Variants in SMCO3 observed in about 807,000 individuals in gnomAD.
SMCO3 encodes the protein single-pass membrane and coiled-coil domain-containing protein 3.
In SMCO3, 6 loss-of-function variants were observed where a neutral mutation model predicts 12.0. That is an observed-to-expected ratio of 0.50 (90% confidence interval 0.27 to 0.99). The LOEUF is 0.99. Among genes scored for constraint, SMCO3 ranks in the 50% least tolerant of loss-of-function variants. SMCO3 has a pLI of 0.11. For missense variants in SMCO3, 279 were observed against 265.0 expected (o/e 1.05, Z -0.37); for synonymous variants, 96 against 96.4 (o/e 1.00, Z 0.02).
At chr12:14,810,954 C>A (rs1362472011) in intron 1 of SMCO3, among the ~76,000 whole-genome samples, 1 of 152,176 alleles carries the variant, frequency 6.6e-6, no homozygotes, top group Non-Finnish European at 1.5e-5. Context: ...TTACAAACAA[C>A]CCATAATATT....
intron 1 of SMCO3, among the ~76,000 whole-genome samples, chr12:14,808,787 C>CAT (rs1210600245): frequency 6.6e-6 from 1 of 152,168 alleles, no homozygotes; most frequent in Non-Finnish European, 1.5e-5. Context: ...CACACATACA[C>CAT]ATATATACAG....
chr12:14,808,476 G>A (rs547208916), intron 1 of SMCO3, among the ~76,000 whole-genome samples: 4 of 151,952 alleles, frequency 2.6e-5, no homozygotes, highest in East Asian at 3.9e-4. Context: ...AAATAATATC[G>A]TAATTAATTT....
chr12:14,813,981 A>G (rs1950179836), intron 1 of SMCO3, 145 bp downstream of exon 1: 1 of 152,190 alleles, frequency 6.6e-6, no homozygotes, highest in African/African-American at 2.4e-5. Context: ...GGAACATGTC[A>G]TGGGATCCTC....
At chr12:14,811,417 A>G (rs1950134603) in intron 1 of SMCO3, among the ~76,000 whole-genome samples, 1 of 152,078 alleles carries the variant, frequency 6.6e-6, no homozygotes, top group Admixed American at 6.5e-5. Flanking sequence ...ATTTGATGAG[A>G]GAGTTCTGTT....
intron 1 of SMCO3, among the ~76,000 whole-genome samples, chr12:14,812,977 A>G (rs1414238817): frequency 1.3e-5 from 2 of 152,310 alleles, no homozygotes; most frequent in East Asian, 3.9e-4. Context: ...GGAAATACAT[A>G]CTGAAAACAT....
intron 1 of SMCO3, among the ~76,000 whole-genome samples, chr12:14,813,868 C>T (rs1422316893): frequency 6.6e-6 from 1 of 152,140 alleles, no homozygotes; most frequent in African/African-American, 2.4e-5. Flanking sequence ...GTCTTTACTG[C>T]TTCTCTTCCA....
intron 1 of SMCO3, among the ~76,000 whole-genome samples, chr12:14,809,920 A>G (rs2137261650): frequency 6.6e-6 from 1 of 152,356 alleles, no homozygotes; most frequent in South Asian, 2.1e-4. Context: ...GTCTTACTAG[A>G]AATCAAAGTG....
At position 14,806,614 on chromosome 12, in the gene SMCO3, G is replaced by C; in HGVS notation, c.67C>G (p.Gln23Glu). Residue 23 changes from glutamine (Q) to glutamate (E), a missense_variant, in exon 2 of 2, where the codon CAG (glutamine) becomes GAG (glutamate). Coordinates refer to ENST00000316048, the MANE Select transcript of SMCO3 (RefSeq NM_001013698.2). ...KRREEVNRLH[Q>E]QLLDCLSDSF... The stretch of plus-strand genomic sequence containing the variant: ...TCAGATAAGCAATCAAGAAGCTGCT[G>C]GTGAAGACGATTTACTTCTTCCCGC... 2.5e-6 allele frequency: 4 copies of C among 1,613,712 alleles called. No homozygotes were observed. The highest frequency in any genetic ancestry group is 3.4e-6 in the Non-Finnish European group (4 of 1,179,924).
chr12:14,809,663 G>A (rs898806662), intron 1 of SMCO3, among the ~76,000 whole-genome samples: 3 of 151,910 alleles, frequency 2.0e-5, no homozygotes, highest in African/African-American at 7.3e-5. Flanking sequence ...AGAAGAAAAT[G>A]GATAATTTTC....
At chr12:14,811,348 C>G (rs1950132834) in intron 1 of SMCO3, among the ~76,000 whole-genome samples, 1 of 152,058 alleles carries the variant, frequency 6.6e-6, no homozygotes, top group African/African-American at 2.4e-5. Flanking sequence ...CTTTGCTGGA[C>G]TGGAGCAGCT....
intron 1 of SMCO3, among the ~76,000 whole-genome samples, chr12:14,810,293 T>C (rs1387922396): frequency 6.6e-6 from 1 of 152,126 alleles, no homozygotes; most frequent in Non-Finnish European, 1.5e-5. Flanking sequence ...CCAAATGAGA[T>C]AAGAAGCACT....
chr12:14,806,388 T>C lies in SMCO3; in HGVS notation c.293A>G (p.Lys98Arg). Residue 98 changes from lysine (K) to arginine (R), a missense_variant, in exon 2 of 2, where the codon AAA (lysine) becomes AGA (arginine). Coordinates refer to ENST00000316048, the MANE Select transcript of SMCO3 (RefSeq NM_001013698.2). ...KDKLEPTLYR[K>R]LQDIKEKETD... The stretch of plus-strand genomic sequence containing the variant: ...TTCCTTTTCCTTAATATCCTGAAGT[T>C]TTCTATAGAGGGTTGGCTCTAGCTT... The C allele has an allele frequency of 1.9e-6, 3 of 1,614,248 alleles. No homozygotes were observed. The highest frequency in any genetic ancestry group is 2.5e-6 in the Non-Finnish European group (3 of 1,180,056).
At chr12:14,807,876 G>A (rs1403778500) in intron 1 of SMCO3, among the ~76,000 whole-genome samples, 1 of 152,076 alleles carries the variant, frequency 6.6e-6, no homozygotes, top group Non-Finnish European at 1.5e-5. Context: ...AAGTATTAAA[G>A]AATAAGGGGC....
chr12:14,813,176 TAAAA>T (rs995237946), intron 1 of SMCO3, among the ~76,000 whole-genome samples: 1 of 152,124 alleles, frequency 6.6e-6, no homozygotes, highest in Non-Finnish European at 1.5e-5. Context: ...TTATAACAAA[TAAAA>T]AAGAAAGAAA....
chr12:14,812,594 C>T (rs1474397018), intron 1 of SMCO3, among the ~76,000 whole-genome samples: 1 of 152,052 alleles, frequency 6.6e-6, no homozygotes, highest in Non-Finnish European at 1.5e-5. Context: ...ATTATTTCCT[C>T]AGCATAAGTA....
chr12:14,805,951 T>A lies in SMCO3; in HGVS notation c.*52A>T, dbSNP rs532916993. 14 of 1,508,236 alleles carry A rather than the reference T, an allele frequency of 9.3e-6. No homozygotes were observed. Among genetic ancestry groups the A allele is most frequent in the Non-Finnish European group, 1.2e-5 (13 of 1,114,932 alleles). The allele number at this position is 1,508,236 out of a possible 1,614,324, so 93.4% of individuals were successfully genotyped here. ...TGAACCTAATCAAAGAAGCAAACAC[T>A]GTTACTGAAAAGGAAGCAGAAAAAC... On this transcript the variant is annotated 3_prime_UTR_variant, in exon 2 of 2. Coordinates refer to ENST00000316048, the MANE Select transcript of SMCO3 (RefSeq NM_001013698.2).
At chr12:14,809,148 G>C (rs1241160983) in intron 1 of SMCO3, among the ~76,000 whole-genome samples, 1 of 152,160 alleles carries the variant, frequency 6.6e-6, no homozygotes, top group East Asian at 1.9e-4. Flanking sequence ...ATCTCTAGCA[G>C]CTATCATATG....
chr12:14,808,842 T>C (rs1950094597), intron 1 of SMCO3, among the ~76,000 whole-genome samples: 1 of 152,218 alleles, frequency 6.6e-6, no homozygotes, highest in Non-Finnish European at 1.5e-5. Context: ...AAACAATACT[T>C]AGAAAATTTC....
At chr12:14,812,240 C>A (rs1487193553) in intron 1 of SMCO3, among the ~76,000 whole-genome samples, 1 of 151,988 alleles carries the variant, frequency 6.6e-6, no homozygotes, top group Non-Finnish European at 1.5e-5. Context: ...GTCAGGAGAT[C>A]GAAACCATCC....
Sources: gnomAD v4.1 joint callset for allele counts (sites outside exome capture counted in the v4.1 genomes callset) on GRCh38, gnomAD v4.1.1 for gene constraint, MANE v1.5 for transcripts, NCBI Gene and HGNC (gene_info 2026-07-23, HGNC 2026-07-21) for gene names.